The following PLAAT3 variants were observed in gnomAD, a reference collection of about 807,000 sequenced individuals.
The protein encoded by PLAAT3 is Ca-independent phospholipase A1/2.
Under a neutral mutation model 16.7 loss-of-function variants are expected in PLAAT3, and 21 were observed. The ratio of observed to expected loss-of-function variants is 1.26; its 90% CI spans 0.89 to 1.81. The LOEUF is 1.81. Among genes scored for constraint, PLAAT3 ranks in the 40% most tolerant of loss-of-function variants. PLAAT3 has a pLI of 0.00. For missense variants in PLAAT3, 219 were observed against 213.7 expected, an observed-to-expected ratio of 1.02 and a Z score of -0.16; for synonymous variants, 76 against 81.7, an observed-to-expected ratio of 0.93 and a Z score of 0.38.
intron 2 of PLAAT3, among the ~76,000 whole-genome samples, chr11:63,601,505 A>C (rs1938429517): frequency 6.6e-6 from 1 of 151,732 alleles, no homozygotes; most frequent in Non-Finnish European, 1.5e-5. Flanking sequence ...ACATAATCTC[A>C]CTCAAGACAA....
At chr11:63,610,485 G>A (rs1024296728) in intron 2 of PLAAT3, among the ~76,000 whole-genome samples, 2 of 152,216 alleles carry the variant, frequency 1.3e-5, no homozygotes, top group Non-Finnish European at 2.9e-5. Context: ...CTCAGCAGAG[G>A]TGTATGGTGG....
Position 63,594,013 on chromosome 11 carries a change from C to T in PLAAT3, c.119-3645G>A, listed in dbSNP as rs1211605319. Among the ~76,000 whole-genome samples the T allele has an allele frequency of 3.9e-5, 6 of 152,160 alleles. No homozygotes were observed. In the East Asian group the frequency reaches 5.8e-4, roughly 15 times the overall value. On this transcript the variant is annotated intron_variant, in intron 3 of 4. Transcript: ENST00000415826. ...GGGAGGGTGGTTGCTCATACCAGGG[C>T]GCTGCAGTGGGGATGGTAAGAAGTG...
rs138678313 is a variant in PLAAT3, at chr11:63,603,051, C to T, written c.16-4888G>A. On this transcript the variant is annotated intron_variant, in intron 2 of 4. Transcript: ENST00000415826. The stretch of plus-strand genomic sequence containing the variant: ...GAGGTTGCAGTGAGCTGAGATCACG[C>T]CATTGCACTCCAGCCTGGGCAACAG... Among the ~76,000 whole-genome samples the T allele has an allele frequency of 2.0e-4, 30 of 152,256 alleles. No homozygotes were observed. In the East Asian group the frequency reaches 5.2e-3, roughly 26 times the overall value.
chr11:63,576,425 A>T (rs945474971), intron 4 of PLAAT3, among the ~76,000 whole-genome samples: 2 of 152,190 alleles, frequency 1.3e-5, no homozygotes, highest in Non-Finnish European at 2.9e-5. Context: ...GGAGTTCCAG[A>T]CAAACCCAGC....
intron 4 of PLAAT3, among the ~76,000 whole-genome samples, chr11:63,580,672 A>G (rs1215675994): frequency 6.6e-6 from 1 of 152,204 alleles, no homozygotes; most frequent in African/African-American, 2.4e-5. Context: ...AAACAAAAAA[A>G]AGAGGAAATT....
chr11:63,611,541 AAC>A (rs1453814084), intron 2 of PLAAT3, among the ~76,000 whole-genome samples: 3 of 152,232 alleles, frequency 2.0e-5, no homozygotes, highest in Non-Finnish European at 4.4e-5. Context: ...CAGTTCCTGA[AAC>A]ACACAGACTC....
intron 2 of PLAAT3, among the ~76,000 whole-genome samples, chr11:63,601,422 AATCTGC>A (rs1938426095): frequency 1.3e-5 from 2 of 150,104 alleles, no homozygotes; most frequent in Admixed American, 1.3e-4. Context: ...ACATTCAGCC[AATCTGC>A]CTATTCTTTG....
At chr11:63,586,988 GCA>G (rs1224785555) in intron 4 of PLAAT3, among the ~76,000 whole-genome samples, 1 of 152,204 alleles carries the variant, frequency 6.6e-6, no homozygotes, top group Non-Finnish European at 1.5e-5. Context: ...GGAGGCTGAG[GCA>G]GAAGAATCAC....
At position 63,584,978 on chromosome 11, in the gene PLAAT3, G is replaced by A. The variant is rs1170620805; in HGVS notation, c.387+5122C>T. 4.6e-5 allele frequency among the ~76,000 whole-genome samples: 7 copies of A among 151,556 alleles called. No homozygotes were observed. The East Asian group carries it at 1.4e-3, about 29-fold the overall frequency. ...AGAAAAATACTGGTGGACATTTTCT[G>A]ATATGTACTAAATCTATCATCTCTA... On this transcript the variant is annotated intron_variant, in intron 4 of 4. Coordinates refer to ENST00000415826, the MANE Select transcript of PLAAT3 (RefSeq NM_001128203.2).
chr11:63,615,152 A>ATATGTGTG (rs1462076968), upstream of PLAAT3, among the ~76,000 whole-genome samples: 3 of 25,936 alleles, frequency 1.2e-4, no homozygotes, highest in Non-Finnish European at 2.7e-4. Flanking sequence ...ATATGTGTGT[A>ATATGTGTG]TATATGTGTA....
Position 63,590,350 on chromosome 11 carries a change from C to A in PLAAT3, c.137G>T (p.Gly46Val). Residue 46 changes from glycine (G) to valine (V), a missense_variant, in exon 4 of 5, where the codon GGT (glycine) becomes GTT (valine). Transcript: ENST00000415826. The stretch of plus-strand genomic sequence containing the variant: ...CAGGGCGGACATGACACTGGCTGCA[C>A]CAGCTCCTGCGACCTCACCTGCAGA... ...LAPPSEVAGA[G>V]AASVMSALTD... is the part of the protein sequence containing the mutation. 6.2e-7 allele frequency: 1 copy of A among 1,614,074 alleles called. No homozygotes were observed. The highest frequency in any genetic ancestry group is 2.2e-5 in the East Asian group (1 of 44,888).
At chr11:63,589,653 C>G (rs1190354519) in intron 4 of PLAAT3, among the ~76,000 whole-genome samples, 1 of 152,182 alleles carries the variant, frequency 6.6e-6, no homozygotes, top group Non-Finnish European at 1.5e-5. Flanking sequence ...AATCCCAACT[C>G]TGCTAATTAT....
rs549933596 is a variant in PLAAT3, at chr11:63,579,150, A to T, written c.388-4104T>A. On this transcript the variant is annotated intron_variant, in intron 4 of 4. Coordinates refer to ENST00000415826, the MANE Select transcript of PLAAT3 (RefSeq NM_001128203.2). Reference sequence around the variant, plus strand: ...CTCATCATCACTGGCCATCAGAGAAATGCAAATCAAAACCACAATGAGATA... The same window carrying T: ...CTCATCATCACTGGCCATCAGAGAATTGCAAATCAAAACCACAATGAGATA... 2.0e-5 allele frequency among the ~76,000 whole-genome samples: 3 copies of T among 152,374 alleles called. No homozygotes were observed. The South Asian group carries it at 6.2e-4, about 32-fold the overall frequency.
intron 2 of PLAAT3, among the ~76,000 whole-genome samples, chr11:63,611,913 C>T (rs1457023088): frequency 6.6e-6 from 1 of 151,956 alleles, no homozygotes; most frequent in African/African-American, 2.4e-5. Flanking sequence ...CCGAGGCGGG[C>T]ACATCACCTG....
chr11:63,575,123 A>G, intron 4 of PLAAT3, 77 bp from the exon 5 acceptor site: 1 of 981,286 alleles, frequency 1.0e-6, no homozygotes, highest in Non-Finnish European at 1.6e-6. Context: ...AGAAACATTC[A>G]GCTCGGGATA....
At chr11:63,606,755 C>CGGAGTAGGCGT (rs1263529644) in intron 2 of PLAAT3, among the ~76,000 whole-genome samples, 1 of 150,724 alleles carries the variant, frequency 6.6e-6, no homozygotes, top group Admixed American at 6.6e-5. Flanking sequence ...CCAACGAGGC[C>CGGAGTAGGCGT]GGAGTAGGCG....
intron 3 of PLAAT3, among the ~76,000 whole-genome samples, chr11:63,592,371 T>A (rs1938174383): frequency 6.9e-6 from 1 of 144,744 alleles, no homozygotes; most frequent in Non-Finnish European, 1.6e-5. Flanking sequence ...TTCACCATGT[T>A]GGCCAGGCTG....
At chr11:63,616,808 C>T (rs989512458), upstream of PLAAT3, 2 of 151,708 alleles carry the variant, frequency 1.3e-5, no homozygotes, top group African/African-American at 4.8e-5. Flanking sequence ...ACAGTGAAAC[C>T]CCGTCTCTAC....
chr11:63,603,417 T>G (rs1230507830), intron 2 of PLAAT3, among the ~76,000 whole-genome samples: 1 of 152,108 alleles, frequency 6.6e-6, no homozygotes, highest in Non-Finnish European at 1.5e-5. Flanking sequence ...ACAAAAGCAG[T>G]GTTACCAAGA....
Sources: allele counts gnomAD v4.1 joint callset (sites outside exome capture counted in the v4.1 genomes callset), GRCh38; gene constraint gnomAD v4.1.1; transcripts MANE v1.5; gene names NCBI Gene and HGNC (gene_info 2026-07-23, HGNC 2026-07-21).